The following NIBAN1 variants were observed in gnomAD, a reference collection of about 807,000 sequenced individuals.
The protein encoded by NIBAN1 is protein Niban 1.
In NIBAN1, 81 loss-of-function variants were observed where a neutral mutation model predicts 75.1. That is an observed-to-expected ratio of 1.08 (90% confidence interval 0.90 to 1.30). The LOEUF (loss-of-function observed/expected upper bound fraction) is 1.30, where lower values mean the gene tolerates loss of function less well. Ranked by LOEUF, NIBAN1 falls within the 50% of genes most tolerant of loss-of-function variation. The pLI, the probability that NIBAN1 is intolerant of heterozygous loss-of-function variation, is 0.00. For synonymous variants in NIBAN1, 436 were observed against 424.8 expected, an observed-to-expected ratio of 1.03 and a Z score of -0.32; for missense variants, 1,133 against 1,128.1, an observed-to-expected ratio of 1.00 and a Z score of -0.06.
At chr1:184,808,365 A>C in intron 9 of NIBAN1, 130 bp from the exon 10 acceptor site, 1 of 861,444 alleles carries the variant, frequency 1.2e-6, no homozygotes, top group East Asian at 2.9e-5. Flanking sequence ...TTGGATCCCT[A>C]CATCTGTGAC....
intron 7 of NIBAN1, 39 bp from the exon 8 acceptor site, chr1:184,823,368 C>A: frequency 1.9e-6 from 3 of 1,608,232 alleles, no homozygotes; most frequent in Non-Finnish European, 2.5e-6. Context: ...GGCTCTGTCA[C>A]GTGTAAGCAC....
intron 2 of NIBAN1, among the ~76,000 whole-genome samples, chr1:184,896,339 G>A (rs545093828): frequency 3.3e-5 from 5 of 151,964 alleles, no homozygotes; most frequent in Non-Finnish European, 7.4e-5. Flanking sequence ...TGTGTTTGTT[G>A]TCCACTTGTA....
At chr1:184,835,467 A>G (rs1041526517) in intron 5 of NIBAN1, among the ~76,000 whole-genome samples, 1 of 152,150 alleles carries the variant, frequency 6.6e-6, no homozygotes, top group Non-Finnish European at 1.5e-5. Context: ...CTTTCTTTCT[A>G]TCTGTGAGCA....
rs184893801 is a variant in NIBAN1, at chr1:184,817,707, G to A, written c.1173+931C>T. Among the ~76,000 whole-genome samples the A allele has an allele frequency of 2.2e-3, 335 of 152,240 alleles. 3 individuals are homozygous for A. The highest frequency in any genetic ancestry group is 7.3e-3 in the African/African-American group (305 of 41,528). ...TGGCTGTTCATATCCTTTGCAAAAA[G>A]GGGGGAATTGTTAATGCAAACTAAC... On this transcript the variant is annotated intron_variant, in intron 9 of 13. Coordinates refer to ENST00000367511, the MANE Select transcript of NIBAN1 (RefSeq NM_052966.4).
At chr1:184,895,016 A>G (rs921787754) in intron 2 of NIBAN1, among the ~76,000 whole-genome samples, 2 of 152,074 alleles carry the variant, frequency 1.3e-5, no homozygotes, top group East Asian at 3.8e-4. Flanking sequence ...TTTTCCCTTT[A>G]TTAAAAAATC....
chr1:184,884,517 A>C, intron 5 of NIBAN1, 116 bp downstream of exon 5: 1 of 1,371,636 alleles, frequency 7.3e-7, no homozygotes, highest in East Asian at 2.3e-5. Context: ...GAGCCACCGC[A>C]CTTGGCTCAT....
At chr1:184,823,413 C>A in intron 7 of NIBAN1, 84 bp from the exon 8 acceptor site, 1 of 1,519,178 alleles carries the variant, frequency 6.6e-7, no homozygotes, top group Non-Finnish European at 9.0e-7. Context: ...GCCTTCATCA[C>A]AGGCCATCAT....
At chr1:184,800,917 G>A (rs932619784) in intron 12 of NIBAN1, among the ~76,000 whole-genome samples, 1 of 152,140 alleles carries the variant, frequency 6.6e-6, no homozygotes, top group Non-Finnish European at 1.5e-5. Flanking sequence ...TCTTCAGCTG[G>A]CCCTGACATT....
intron 1 of NIBAN1, among the ~76,000 whole-genome samples, chr1:184,945,825 C>T (rs958515076): frequency 3.3e-5 from 5 of 152,050 alleles, no homozygotes; most frequent in African/African-American, 1.2e-4. Flanking sequence ...TCAGCAGAAA[C>T]AGCATCATGA....
chr1:184,937,533 C>G (rs1657993525), intron 1 of NIBAN1, among the ~76,000 whole-genome samples: 1 of 152,194 alleles, frequency 6.6e-6, no homozygotes, highest in Non-Finnish European at 1.5e-5. Context: ...TTAACTACCT[C>G]TCATGAGCCA....
chr1:184,883,280 G>C (rs234660), intron 5 of NIBAN1, among the ~76,000 whole-genome samples: 4 of 152,114 alleles, frequency 2.6e-5, no homozygotes, highest in African/African-American at 9.6e-5. Context: ...GTAACCTCTC[G>C]TTGCTCTTTA....
chr1:184,974,424 T>C lies in NIBAN1; in HGVS notation c.-68A>G. ...GCGCCCGCTGCTAGCTCCTGGAGGT[T>C]GATCCGACGGCGAACCCGGCTCTGA... On this transcript the variant is annotated 5_prime_UTR_variant, in exon 1 of 14. Transcript: ENST00000367511. 6.6e-7 allele frequency: 1 copy of C among 1,506,726 alleles called. No individual in the cohort carries two copies. Among genetic ancestry groups the C allele is most frequent in the Non-Finnish European group, 8.8e-7 (1 of 1,130,828 alleles). 93.3% of individuals were successfully genotyped at this position (1,506,726 alleles called of 1,614,324 possible). A position where few individuals can be genotyped will look rare whatever the true frequency, so the allele number is the denominator to read the frequency against.
chr1:184,953,751 C>T (rs999891263), intron 1 of NIBAN1, among the ~76,000 whole-genome samples: 6 of 152,164 alleles, frequency 3.9e-5, no homozygotes, highest in East Asian at 1.9e-4. Flanking sequence ...ATAATGATAC[C>T]GAAGGGAGGA....
intron 1 of NIBAN1, among the ~76,000 whole-genome samples, chr1:184,915,964 C>T (rs528324002): frequency 4.4e-4 from 67 of 152,312 alleles, no homozygotes; most frequent in African/African-American, 1.5e-3. Context: ...TATATAACTG[C>T]CACAGAGAAT....
In NIBAN1 at chr1:184,823,187, T is replaced by C. The variant is rs1654750297; in HGVS notation, c.965A>G (p.Tyr322Cys). 1.2e-6 allele frequency: 2 copies of C among 1,614,226 alleles called. No individual in the cohort carries two copies. Among genetic ancestry groups the C allele is most frequent in the Non-Finnish European group, 1.7e-6 (2 of 1,180,022 alleles). Reference protein sequence around the residue: ...DMDQIVNSKNYLIGKIKAMVA... With the variant: ...DMDQIVNSKNCLIGKIKAMVA... ...CTGACCTTTGATCTTTCCAATTAAA[T>C]AGTTCTTTGAGTTCACAATCTGATC... The change falls in exon 8 of 14, where the codon TAT becomes TGT. Residue 322 changes from tyrosine (Y) to cysteine (C), a missense_variant. Transcript: ENST00000367511.
At position 184,825,178 on chromosome 1, in the gene NIBAN1, C is replaced by G. The variant is rs572659736; in HGVS notation, c.718-1436G>C. Among the ~76,000 whole-genome samples the G allele has an allele frequency of 2.6e-5, 4 of 152,230 alleles. No homozygotes were observed. In the South Asian group the frequency reaches 8.3e-4, roughly 32 times the overall value. ...GATTCTGCCATTTTCATTTCATTTC[C>G]TGAAAGTCAAGATTGGCTCATGAAA... is the stretch of plus-strand genomic sequence containing the variant. On this transcript the variant is annotated intron_variant, in intron 6 of 13. Transcript: ENST00000367511.
In NIBAN1 at chr1:184,795,908, A is replaced by C. The variant is rs1653847157; in HGVS notation, c.1856T>G (p.Phe619Cys). The change falls in exon 14 of 14, where the codon TTC becomes TGC. Residue 619 changes from phenylalanine (F) to cysteine (C), a missense_variant. Transcript: ENST00000367511. ...LGSETLSNEV[F>C]QESEEEKQPE... ...CTGCTTCTCTTCCTCTGACTCCTGG[A>C]ATACTTCGTTACTGAGGGTCTCACT... 2 of 1,614,040 alleles carry C rather than the reference A, an allele frequency of 1.2e-6. No homozygotes were observed. The highest frequency in any genetic ancestry group is 4.5e-5 in the East Asian group (2 of 44,874).
Position 184,795,693 on chromosome 1 carries a change from C to G in NIBAN1, c.2071G>C (p.Glu691Gln). ...SSELEFGGTL[E>Q]DEEPAQEEPE... ...TCTTCCTGGGCGGGTTCTTCATCCTCAAGGGTCCCTCCAAACTCCAGCTCT... is the reference window on the plus strand; with the variant it reads ...TCTTCCTGGGCGGGTTCTTCATCCTGAAGGGTCCCTCCAAACTCCAGCTCT... The change falls in exon 14 of 14, where the codon GAG (glutamate) becomes CAG (glutamine). Residue 691 changes from glutamate to glutamine, a missense_variant. Glu to Gln is a conservative substitution (Grantham distance 29). Transcript: ENST00000367511. 6.2e-7 allele frequency: 1 copy of G among 1,614,076 alleles called. No individual in the cohort carries two copies. The highest frequency in any genetic ancestry group is 8.5e-7 in the Non-Finnish European group (1 of 1,179,972).
Position 184,857,090 on chromosome 1 carries a change from A to G in NIBAN1, c.602-25128T>C, listed in dbSNP as rs369409909. Among the ~76,000 whole-genome samples, 5 of 152,208 alleles carry G rather than the reference A, an allele frequency of 3.3e-5. No homozygotes were observed. The East Asian group carries it at 9.6e-4, about 29-fold the overall frequency. On this transcript the variant is annotated intron_variant, in intron 5 of 13. Coordinates refer to ENST00000367511, the MANE Select transcript of NIBAN1 (RefSeq NM_052966.4). ...TATGAAATCTTCAAGCCTATCCTAG[A>G]AAGAGTTCTTAATTTATATTAGGTG...
Sources: gnomAD v4.1 joint callset for allele counts (sites outside exome capture counted in the v4.1 genomes callset) on GRCh38, gnomAD v4.1.1 for gene constraint, MANE v1.5 for transcripts, NCBI Gene and HGNC (gene_info 2026-07-23, HGNC 2026-07-21) for gene names.